DOK6: variants seen among roughly 807,000 people sequenced by gnomAD.
DOK6 encodes docking protein 6.
Under a neutral mutation model 44.0 loss-of-function variants are expected in DOK6, and 22 were observed. The ratio of observed to expected loss-of-function variants is 0.50; its 90% CI spans 0.36 to 0.71. The LOEUF (loss-of-function observed/expected upper bound fraction) is 0.71, where lower values mean the gene tolerates loss of function less well. DOK6 is among the 30% of genes least tolerant of loss of function. The pLI is 0.00. For synonymous variants in DOK6, 166 were observed against 145.5 expected, an observed-to-expected ratio of 1.14 and a Z score of -1.01; for missense variants, 340 against 416.4, an observed-to-expected ratio of 0.82 and a Z score of 1.60.
intron 6 of DOK6, among the ~76,000 whole-genome samples, chr18:69,755,365 G>T (rs1979321657): frequency 6.6e-6 from 1 of 152,134 alleles, no homozygotes. Context: ...ATTTTGGAAA[G>T]ATTAATTTAC....
At chr18:69,739,974 A>C (rs1488036515) in intron 6 of DOK6, among the ~76,000 whole-genome samples, 2 of 152,218 alleles carry the variant, frequency 1.3e-5, no homozygotes, top group Non-Finnish European at 2.9e-5. Flanking sequence ...AGTATAAAAT[A>C]AATATTTTTA....
intron 1 of DOK6, among the ~76,000 whole-genome samples, chr18:69,524,598 C>G (rs1442673): frequency 0.56 from 85,559 of 151,668 alleles, 24,752 homozygotes; most frequent in Non-Finnish European, 0.64. Flanking sequence ...CAAAATAAAT[C>G]TAGGTCAGAC....
intron 7 of DOK6, among the ~76,000 whole-genome samples, chr18:69,762,143 CTGCATGCATACA>C (rs1979577703): frequency 6.9e-6 from 1 of 145,538 alleles, no homozygotes; most frequent in African/African-American, 2.6e-5. Flanking sequence ...GACTCCATCT[CTGCATGCATACA>C]TACATACATA....
chr18:69,763,347 A>G (rs1428992636), intron 7 of DOK6, among the ~76,000 whole-genome samples: 1 of 152,208 alleles, frequency 6.6e-6, no homozygotes, highest in Non-Finnish European at 1.5e-5. Context: ...TTTCTTATTT[A>G]TACTTCTCTA....
chr18:69,698,383 C>G, intron 4 of DOK6, 21 bp from the exon 5 acceptor site: 1 of 1,588,854 alleles, frequency 6.3e-7, no homozygotes. Context: ...TTAACCTTCT[C>G]CATTCTTCGT....
At chr18:69,566,270 G>A (rs1210121082) in intron 2 of DOK6, among the ~76,000 whole-genome samples, 1 of 151,978 alleles carries the variant, frequency 6.6e-6, no homozygotes, top group Non-Finnish European at 1.5e-5. Flanking sequence ...CCGAGTAGCT[G>A]GGACTACAGG....
chr18:69,757,934 C>A lies in DOK6; in HGVS notation c.856+61C>A. ...TAAGCTTCCTCCAGGTGGACTGAGT[C>A]ATGCAAATTGCTTTGTATTTGCATT... On this transcript the variant is annotated intron_variant, in intron 7 of 7. Coordinates refer to ENST00000382713, the MANE Select transcript of DOK6 (RefSeq NM_152721.6). 2.8e-6 allele frequency: 4 copies of A among 1,404,304 alleles called. No individual in the cohort carries two copies. In the South Asian group the frequency reaches 3.5e-5, roughly 12 times the overall value. 87.0% of individuals were successfully genotyped at this position (1,404,304 alleles called of 1,614,324 possible).
chr18:69,479,619 A>G (rs749563879), intron 1 of DOK6, among the ~76,000 whole-genome samples: 1 of 152,178 alleles, frequency 6.6e-6, no homozygotes, highest in Non-Finnish European at 1.5e-5. Flanking sequence ...ACAAGTTAAT[A>G]TTATGTAACT....
chr18:69,619,788 A>G (rs138135319), intron 3 of DOK6, among the ~76,000 whole-genome samples: 1 of 152,364 alleles, frequency 6.6e-6, no homozygotes, highest in East Asian at 1.9e-4. Flanking sequence ...AGTGTGCACC[A>G]TAAACTTATC....
intron 5 of DOK6, among the ~76,000 whole-genome samples, chr18:69,707,349 T>C (rs1164445359): frequency 1.3e-5 from 2 of 152,216 alleles, no homozygotes; most frequent in Non-Finnish European, 2.9e-5. Context: ...AAAGTTCTTA[T>C]AGAAACTCTT....
intron 3 of DOK6, among the ~76,000 whole-genome samples, chr18:69,651,339 A>C (rs928693376): frequency 6.6e-6 from 1 of 152,154 alleles, no homozygotes; most frequent in Non-Finnish European, 1.5e-5. Flanking sequence ...TTTTAGATAT[A>C]GTCCAATTTA....
At chr18:69,806,679 A>T (rs989207761) in intron 7 of DOK6, among the ~76,000 whole-genome samples, 1 of 151,978 alleles carries the variant, frequency 6.6e-6, no homozygotes, top group East Asian at 1.9e-4. Flanking sequence ...TTCCATTATC[A>T]TCAGCCTTAG....
At chr18:69,550,673 A>G (rs921937055) in intron 1 of DOK6, among the ~76,000 whole-genome samples, 5 of 151,752 alleles carry the variant, frequency 3.3e-5, no homozygotes, top group Admixed American at 1.3e-4. Context: ...GAGTTATTTT[A>G]CTTCATGTAT....
At chr18:69,590,209 T>C (rs942046482) in intron 2 of DOK6, among the ~76,000 whole-genome samples, 1 of 152,110 alleles carries the variant, frequency 6.6e-6, no homozygotes, top group African/African-American at 2.4e-5. Flanking sequence ...GTAAATGACA[T>C]TAATGAATGA....
chr18:69,811,524 T>TTATATACATA (rs1981225751), intron 7 of DOK6, among the ~76,000 whole-genome samples: 1 of 93,764 alleles, frequency 1.1e-5, no homozygotes, highest in African/African-American at 4.6e-5. Flanking sequence ...AACCATTCCA[T>TTATATACATA]TATATATATA....
chr18:69,816,902 C>T (rs1981414493), intron 7 of DOK6, among the ~76,000 whole-genome samples: 1 of 152,138 alleles, frequency 6.6e-6, no homozygotes, highest in Non-Finnish European at 1.5e-5. Context: ...AAAATTGCAG[C>T]AATATCTACC....
intron 1 of DOK6, among the ~76,000 whole-genome samples, chr18:69,560,444 T>C (rs891123078): frequency 4.6e-5 from 7 of 152,074 alleles, no homozygotes; most frequent in African/African-American, 1.7e-4. Context: ...TGAATGTCAA[T>C]ATAAATAGTT....
intron 3 of DOK6, among the ~76,000 whole-genome samples, chr18:69,666,446 A>T (rs949007795): frequency 6.0e-5 from 9 of 150,870 alleles, no homozygotes; most frequent in Admixed American, 2.0e-4. Context: ...ATTTTTTTTT[A>T]AATTAGACAG....
chr18:69,799,269 C>T (rs1980835043), intron 7 of DOK6, among the ~76,000 whole-genome samples: 1 of 151,950 alleles, frequency 6.6e-6, no homozygotes, highest in African/African-American at 2.4e-5. Flanking sequence ...TTAGAAATTC[C>T]TATTCTTTAA....
Sources: gnomAD v4.1 joint callset for allele counts (sites outside exome capture counted in the v4.1 genomes callset) on GRCh38, gnomAD v4.1.1 for gene constraint, MANE v1.5 for transcripts, NCBI Gene and HGNC (gene_info 2026-07-23, HGNC 2026-07-21) for gene names.